Variants in SLCO3A1 observed in about 807,000 individuals in gnomAD.
SLCO3A1 encodes the protein PGE1 transporter.
Under a neutral mutation model 63.1 loss-of-function variants are expected in SLCO3A1, and 27 were observed. The observed-to-expected ratio is 0.43, with a 90% CI of 0.32 to 0.59. The LOEUF is 0.59. Among genes scored for constraint, SLCO3A1 ranks in the 20% least tolerant of loss-of-function variants. The pLI, the probability that SLCO3A1 is intolerant of heterozygous loss-of-function variation, is 0.09. For synonymous variants in SLCO3A1, 473 were observed against 409.9 expected, an observed-to-expected ratio of 1.15 and a Z score of -1.86; for missense variants, 773 against 945.8, an observed-to-expected ratio of 0.82 and a Z score of 2.40.
At chr15:91,925,475 G>GTTTT (rs76218578) in intron 2 of SLCO3A1, among the ~76,000 whole-genome samples, 2 of 127,338 alleles carry the variant, frequency 1.6e-5, no homozygotes, top group African/African-American at 5.8e-5. Context: ...CCAGTACCTT[G>GTTTT]TTTTTTTTTT....
chr15:91,932,424 A>G (rs903677094), intron 2 of SLCO3A1, among the ~76,000 whole-genome samples: 1 of 151,974 alleles, frequency 6.6e-6, no homozygotes, highest in South Asian at 2.1e-4. Flanking sequence ...TTTTGAAGCA[A>G]ATTTTAGATA....
At chr15:92,078,645 C>T (rs138290934) in intron 2 of SLCO3A1, among the ~76,000 whole-genome samples, 16 of 152,304 alleles carry the variant, frequency 1.1e-4, no homozygotes, top group African/African-American at 2.6e-4. Context: ...GTTCTTCCTC[C>T]CCTTTCTTTA....
chr15:92,018,012 G>A (rs904269323), intron 2 of SLCO3A1, among the ~76,000 whole-genome samples: 9 of 152,194 alleles, frequency 5.9e-5, no homozygotes, highest in Admixed American at 5.9e-4. Context: ...GGAGGAGGAT[G>A]GATGGGAGGT....
chr15:92,165,754 T>C lies in SLCO3A1; in HGVS notation c.*2619T>C. On this transcript the variant is annotated 3_prime_UTR_variant, in exon 10 of 10. Coordinates refer to ENST00000318445, the MANE Select transcript of SLCO3A1 (RefSeq NM_013272.4). ...ACTCAGTCTAGTTTTAATTTGCCTT[T>C]TGTGCTCTAAAGAAGCATTGTACAT... 2.0e-6 allele frequency: 2 copies of C among 984,080 alleles called. No homozygotes were observed. The highest frequency in any genetic ancestry group is 2.4e-6 in the Non-Finnish European group (2 of 829,382). 61.0% of individuals were successfully genotyped at this position (984,080 alleles called of 1,614,324 possible).
chr15:92,109,113 C>T (rs1190448635), intron 4 of SLCO3A1, among the ~76,000 whole-genome samples: 1 of 152,140 alleles, frequency 6.6e-6, no homozygotes. Context: ...GACATGGACG[C>T]ATGCACAGAT....
At chr15:92,105,297 A>G (rs2047654843) in intron 4 of SLCO3A1, among the ~76,000 whole-genome samples, 1 of 152,174 alleles carries the variant, frequency 6.6e-6, no homozygotes, top group Non-Finnish European at 1.5e-5. Context: ...AGCCACCTTC[A>G]AAGTACATTT....
chr15:91,865,614 T>C lies in SLCO3A1; in HGVS notation c.180+11526T>C, dbSNP rs1262654118. 2.0e-5 allele frequency among the ~76,000 whole-genome samples: 3 copies of C among 152,064 alleles called. 1 individual carries two copies. In the East Asian group the frequency reaches 5.8e-4, roughly 29 times the overall value. On this transcript the variant is annotated intron_variant, in intron 1 of 9. Coordinates refer to ENST00000318445, the MANE Select transcript of SLCO3A1 (RefSeq NM_013272.4). This position sits in a 1 kb window ranked among gnomAD's most constrained non-coding sequence, Gnocchi z 4.6. ...CATGGCATGTGGGGGTGGCCAAGGG[T>C]CCTTGGATTCCTTGGCTCGCAGCTG...
At chr15:91,914,298 CTT>C (rs1898579902) in intron 1 of SLCO3A1, among the ~76,000 whole-genome samples, 1 of 152,192 alleles carries the variant, frequency 6.6e-6, no homozygotes, top group Admixed American at 6.5e-5. Flanking sequence ...TGCTAACAGA[CTT>C]TTCATCCATT....
intron 1 of SLCO3A1, among the ~76,000 whole-genome samples, chr15:91,868,128 T>A (rs983400705): frequency 1.3e-5 from 2 of 151,934 alleles, no homozygotes; most frequent in Non-Finnish European, 2.9e-5. Context: ...CTCGGCTCGC[T>A]GCAACCTCTG....
intron 2 of SLCO3A1, among the ~76,000 whole-genome samples, chr15:92,062,438 G>C (rs570847923): frequency 6.6e-6 from 1 of 152,280 alleles, no homozygotes; most frequent in South Asian, 2.1e-4. Flanking sequence ...GTCCATGTGG[G>C]AAGTGTGAAT....
intron 1 of SLCO3A1, among the ~76,000 whole-genome samples, chr15:91,890,850 T>C (rs1357845905): frequency 6.6e-6 from 1 of 152,212 alleles, no homozygotes; most frequent in Non-Finnish European, 1.5e-5. Context: ...ACTACTGCCC[T>C]GGCCAGACTG....
At position 91,967,227 on chromosome 15, in the gene SLCO3A1, C is replaced by T. The variant is rs979863668; in HGVS notation, c.646+50769C>T. 6.6e-6 allele frequency among the ~76,000 whole-genome samples: 1 copy of T among 152,134 alleles called. No homozygotes were observed. The highest frequency in any genetic ancestry group is 1.5e-5 in the Non-Finnish European group (1 of 68,012). On this transcript the variant is annotated intron_variant, in intron 2 of 9. Coordinates refer to ENST00000318445, the MANE Select transcript of SLCO3A1 (RefSeq NM_013272.4). This position sits in a 1 kb window ranked among gnomAD's most constrained non-coding sequence, Gnocchi z 4.4. ...TCTAAATAAACCCAGTGAGTTGTTA[C>T]ATTTTTATTCATTTAAAATATTAAA...
At chr15:92,167,213 C>G (rs981588169), downstream of SLCO3A1, among the ~76,000 whole-genome samples, 2 of 152,212 alleles carry the variant, frequency 1.3e-5, no homozygotes, top group African/African-American at 4.8e-5. Flanking sequence ...TTGGGAGAAC[C>G]ACATATCTGG....
At chr15:92,012,036 A>G (rs890127953) in intron 2 of SLCO3A1, among the ~76,000 whole-genome samples, 3 of 152,108 alleles carry the variant, frequency 2.0e-5, no homozygotes, top group African/African-American at 7.2e-5. Context: ...CTCAGAGGAG[A>G]AGGAGGGTGG....
At chr15:92,042,576 C>T (rs1230380120) in intron 2 of SLCO3A1, among the ~76,000 whole-genome samples, 1 of 152,130 alleles carries the variant, frequency 6.6e-6, no homozygotes, top group Non-Finnish European at 1.5e-5. Context: ...ACAGAAAAAT[C>T]CAGCATTGCC....
At chr15:92,134,637 A>T (rs2048034311) in intron 7 of SLCO3A1, among the ~76,000 whole-genome samples, 1 of 152,228 alleles carries the variant, frequency 6.6e-6, no homozygotes, top group African/African-American at 2.4e-5. Flanking sequence ...CCATTCGTAG[A>T]TGGATACTTC....
chr15:92,126,262 G>T lies in SLCO3A1; in HGVS notation c.1373+3G>T. ...GTTACTGTTCCCTATGGAAACAGGT[G>T]AGTACTGGCAGTGTCTGCCGCCTTC... On this transcript the variant is annotated splice_donor_region_variant and intron_variant, in intron 6 of 9. Coordinates refer to ENST00000318445, the MANE Select transcript of SLCO3A1 (RefSeq NM_013272.4). The T allele has an allele frequency of 6.2e-7, 1 of 1,613,128 alleles. No individual in the cohort carries two copies. The highest frequency in any genetic ancestry group is 1.1e-5 in the South Asian group (1 of 91,050).
intron 1 of SLCO3A1, among the ~76,000 whole-genome samples, chr15:91,861,602 A>T (rs934695075): frequency 1.3e-5 from 2 of 152,144 alleles, no homozygotes; most frequent in African/African-American, 2.4e-5. Flanking sequence ...TTTAAAAGCA[A>T]AAAGTAACAT....
chr15:91,960,265 G>A (rs1163366677), intron 2 of SLCO3A1, among the ~76,000 whole-genome samples: 1 of 152,168 alleles, frequency 6.6e-6, no homozygotes, highest in African/African-American at 2.4e-5. Flanking sequence ...TTACAGGCGT[G>A]AGCCACCACG....
Sources: allele counts gnomAD v4.1 joint callset (sites outside exome capture counted in the v4.1 genomes callset), GRCh38; gene constraint gnomAD v4.1.1; non-coding constraint Gnocchi (gnomAD v3.1); transcripts MANE v1.5; gene names NCBI Gene and HGNC (gene_info 2026-07-23, HGNC 2026-07-21).